The following SLC7A14 variants were observed in gnomAD, a reference collection of about 807,000 sequenced individuals.
The protein encoded by SLC7A14 is gamma-aminobutyric acid transporter SLC7A14.
A neutral mutation model predicts 60.2 loss-of-function variants in SLC7A14; 37 were observed. That is an observed-to-expected ratio of 0.61 (90% CI 0.47 to 0.81). The LOEUF is 0.81. Ranked by LOEUF, SLC7A14 falls within the 30% of genes least tolerant of loss-of-function variation. The pLI, the probability that SLC7A14 is intolerant of heterozygous loss-of-function variation, is 0.00. For synonymous variants in SLC7A14, 399 were observed against 395.8 expected, an observed-to-expected ratio of 1.01 and a Z score of -0.10; for missense variants, 886 against 982.7, an observed-to-expected ratio of 0.90 and a Z score of 1.32.
In SLC7A14 at chr3:170,488,961, C is replaced by T. The variant is rs371050653; in HGVS notation, c.760-2593G>A. Among the ~76,000 whole-genome samples, 11 of 151,904 alleles carry T rather than the reference C, an allele frequency of 7.2e-5. No homozygotes were observed. In the East Asian group the frequency reaches 1.4e-3, roughly 19 times the overall value. ...CTTTTTGTACTTTGTTTTCATCCAACGTTTTCAAACGCAATCATAGGCTGT... is the reference window on the plus strand; with the variant it reads ...CTTTTTGTACTTTGTTTTCATCCAATGTTTTCAAACGCAATCATAGGCTGT... On this transcript the variant is annotated intron_variant, in intron 4 of 7. Coordinates refer to ENST00000231706, the MANE Select transcript of SLC7A14 (RefSeq NM_020949.3).
At chr3:170,510,424 A>C (rs571689729) in intron 2 of SLC7A14, among the ~76,000 whole-genome samples, 1 of 151,782 alleles carries the variant, frequency 6.6e-6, no homozygotes, top group African/African-American at 2.4e-5. Context: ...AAATAAATAA[A>C]GAATGTAACC....
chr3:170,468,776 G>A (rs1739795678), intron 7 of SLC7A14, among the ~76,000 whole-genome samples: 1 of 152,180 alleles, frequency 6.6e-6, no homozygotes, highest in Non-Finnish European at 1.5e-5. Context: ...CTGTTCCTCA[G>A]CATTCTCTGT....
chr3:170,478,293 G>C (rs1024301462), intron 7 of SLC7A14, among the ~76,000 whole-genome samples: 2 of 152,138 alleles, frequency 1.3e-5, no homozygotes, highest in African/African-American at 4.8e-5. Context: ...GGCCAGGCTA[G>C]TCTCGAACTC....
At chr3:170,522,543 G>T (rs1175397088) in intron 2 of SLC7A14, among the ~76,000 whole-genome samples, 1 of 152,164 alleles carries the variant, frequency 6.6e-6, no homozygotes, top group Non-Finnish European at 1.5e-5. Flanking sequence ...AACTTAAAAG[G>T]TTATATACTG....
At chr3:170,469,819 C>A (rs1352383656) in intron 7 of SLC7A14, among the ~76,000 whole-genome samples, 1 of 152,076 alleles carries the variant, frequency 6.6e-6, no homozygotes, top group East Asian at 1.9e-4. Context: ...CGACTCATTT[C>A]CCTACTGAAC....
chr3:170,560,081 A>G (rs917235173), intron 1 of SLC7A14, among the ~76,000 whole-genome samples: 6 of 152,242 alleles, frequency 3.9e-5, no homozygotes, highest in Non-Finnish European at 8.8e-5. Context: ...CAGACCTTAC[A>G]TTAGCTATCG....
intron 3 of SLC7A14, 132 bp downstream of exon 3, chr3:170,500,977 C>T (rs1020879056): frequency 5.1e-6 from 4 of 777,780 alleles, no homozygotes; most frequent in South Asian, 1.7e-5. Context: ...GAAAGAATTA[C>T]TTTGCAAAAG....
chr3:170,496,074 GA>G, intron 4 of SLC7A14: 2 of 1,252,990 alleles, frequency 1.6e-6, no homozygotes, highest in Non-Finnish European at 2.3e-6. Context: ...GTCTCGCCTG[GA>G]AGGGCTGACT....
At chr3:170,476,811 A>C (rs1365569687) in intron 7 of SLC7A14, 2 of 152,372 alleles carry the variant, frequency 1.3e-5, no homozygotes, top group African/African-American at 4.8e-5. Flanking sequence ...TAAATTTCCC[A>C]AAGTCACAAG....
At chr3:170,479,642 G>C (rs1330149291) in intron 7 of SLC7A14, among the ~76,000 whole-genome samples, 1 of 152,200 alleles carries the variant, frequency 6.6e-6, no homozygotes, top group Non-Finnish European at 1.5e-5. Context: ...AATCAGTAAG[G>C]ATGGTGGCAT....
At chr3:170,496,326 G>T (rs953001929) in intron 4 of SLC7A14, 5 of 1,062,146 alleles carry the variant, frequency 4.7e-6, no homozygotes, top group African/African-American at 4.7e-5. Context: ...GCACGGGGAT[G>T]ACCTGCGGTG....
intron 4 of SLC7A14, among the ~76,000 whole-genome samples, chr3:170,494,320 C>T (rs1200283213): frequency 6.6e-6 from 1 of 152,224 alleles, no homozygotes; most frequent in Non-Finnish European, 1.5e-5. Flanking sequence ...GAAAAGCGTC[C>T]TTCATTTCTT....
At position 170,527,059 on chromosome 3, in the gene SLC7A14, C is replaced by T; in HGVS notation, c.-123G>A. ...CCTTTTAGGAAAGGCCCAGAGGGAC[C>T]CAGTGCAGCCTTCTCCTGGGCATGA... On this transcript the variant is annotated 5_prime_UTR_variant, in exon 2 of 8. An upstream open reading frame in the 5' UTR gains an earlier in-frame stop. Coordinates refer to ENST00000231706, the MANE Select transcript of SLC7A14 (RefSeq NM_020949.3). The T allele has an allele frequency of 9.9e-7, 1 of 1,013,496 alleles. No individual in the cohort carries two copies. Among genetic ancestry groups the T allele is most frequent in the Non-Finnish European group, 1.4e-6 (1 of 710,738 alleles). 62.8% of individuals were successfully genotyped at this position (1,013,496 alleles called of 1,614,324 possible). A position where few individuals can be genotyped will look rare whatever the true frequency, so the allele number is the denominator to read the frequency against.
chr3:170,557,600 C>G (rs1714522390), intron 1 of SLC7A14, among the ~76,000 whole-genome samples: 1 of 152,168 alleles, frequency 6.6e-6, no homozygotes, highest in African/African-American at 2.4e-5. Flanking sequence ...GAGTGGAGAC[C>G]TGGCATCCAA....
chr3:170,477,738 G>A (rs1296913058), intron 7 of SLC7A14, among the ~76,000 whole-genome samples: 1 of 152,148 alleles, frequency 6.6e-6, no homozygotes, highest in Non-Finnish European at 1.5e-5. Context: ...TCTAACCCAG[G>A]TGAAAATGTA....
chr3:170,517,654 G>A (rs570387641), intron 2 of SLC7A14, among the ~76,000 whole-genome samples: 1 of 152,298 alleles, frequency 6.6e-6, no homozygotes, highest in East Asian at 1.9e-4. Flanking sequence ...GGAATGGGGA[G>A]CCTATGTTTG....
intron 6 of SLC7A14, 27 bp downstream of exon 6, chr3:170,483,287 A>G (rs1711893459): frequency 6.2e-7 from 1 of 1,613,034 alleles, no homozygotes; most frequent in Non-Finnish European, 8.5e-7. Flanking sequence ...GCAGAGCAGG[A>G]TAAATTTCAT....
chr3:170,514,818 A>G (rs925912886), intron 2 of SLC7A14, among the ~76,000 whole-genome samples: 8 of 152,222 alleles, frequency 5.3e-5, no homozygotes, highest in Non-Finnish European at 1.0e-4. Context: ...TACTCTTGGT[A>G]GTGGTGATAA....
At chr3:170,515,010 C>A (rs1223662870) in intron 2 of SLC7A14, among the ~76,000 whole-genome samples, 1 of 152,054 alleles carries the variant, frequency 6.6e-6, no homozygotes, top group African/African-American at 2.4e-5. Flanking sequence ...ATCACATAAC[C>A]CACCTTGAAA....
Sources: gnomAD v4.1 joint callset for allele counts (sites outside exome capture counted in the v4.1 genomes callset) on GRCh38, gnomAD v4.1.1 for gene constraint, MANE v1.5 for transcripts, NCBI Gene and HGNC (gene_info 2026-07-23, HGNC 2026-07-21) for gene names.